Variants in PTCHD4 observed in about 807,000 individuals in gnomAD.
The protein encoded by PTCHD4 is patched domain-containing protein 4.
A neutral mutation model predicts 58.1 loss-of-function variants in PTCHD4; 33 were observed. That is an observed-to-expected ratio of 0.57 (90% CI 0.43 to 0.76). The LOEUF is 0.76. Among genes scored for constraint, PTCHD4 ranks in the 30% least tolerant of loss-of-function variants. The probability of loss-of-function intolerance (pLI) is 0.00; values close to 1 mark genes in which losing one functional copy is unlikely to be tolerated. For synonymous variants in PTCHD4, 478 were observed against 409.6 expected (o/e 1.17, Z -2.02); for missense variants, 1,058 against 1,027.1 (o/e 1.03, Z -0.41).
At chr6:47,980,101 A>G (rs996131578) in intron 4 of PTCHD4, among the ~76,000 whole-genome samples, 1 of 152,124 alleles carries the variant, frequency 6.6e-6, no homozygotes, top group East Asian at 1.9e-4. Context: ...TATTTCATGC[A>G]TAGAGTAAAA....
chr6:47,894,889 T>A (rs373417721), intron 4 of PTCHD4, among the ~76,000 whole-genome samples: 1 of 152,178 alleles, frequency 6.6e-6, no homozygotes, highest in South Asian at 2.1e-4. Flanking sequence ...CCCAGCACTT[T>A]GGGAGGCTGA....
chr6:48,022,648 T>C (rs1463850607), intron 3 of PTCHD4, among the ~76,000 whole-genome samples: 1 of 152,126 alleles, frequency 6.6e-6, no homozygotes, highest in Non-Finnish European at 1.5e-5. Context: ...GTGTTAACAT[T>C]TTCTGGGCTG....
At chr6:47,917,927 A>G (rs952992961) in intron 4 of PTCHD4, among the ~76,000 whole-genome samples, 4 of 152,310 alleles carry the variant, frequency 2.6e-5, no homozygotes, top group African/African-American at 9.6e-5. Flanking sequence ...ATCTCCAGGC[A>G]TAACGTCAAA....
chr6:48,096,350 A>G (rs908121001), intron 1 of PTCHD4, among the ~76,000 whole-genome samples: 1 of 152,088 alleles, frequency 6.6e-6, no homozygotes, highest in Non-Finnish European at 1.5e-5. Context: ...GGTGGCTCAC[A>G]ACTGTAATCC....
rs1765423635 is a variant in PTCHD4, at chr6:47,921,276, GC to G, written c.899-41341del. ...GTGCCATTTCTCTGCTTTGTTTTACGCTTTTGGTTAATAGTACATTACACAT... is the reference window on the plus strand; with the variant it reads ...GTGCCATTTCTCTGCTTTGTTTTACGTTTTGGTTAATAGTACATTACACAT... On this transcript the variant is annotated intron_variant, in intron 4 of 4. Transcript: ENST00000339488. 2.0e-5 allele frequency among the ~76,000 whole-genome samples: 3 copies of G among 151,916 alleles called. No individual in the cohort carries two copies. In the South Asian group the frequency reaches 6.3e-4, roughly 32 times the overall value.
chr6:47,982,102 T>G (rs1767901690), intron 4 of PTCHD4, among the ~76,000 whole-genome samples: 1 of 152,206 alleles, frequency 6.6e-6, no homozygotes, highest in Non-Finnish European at 1.5e-5. Context: ...TCTAAGGAGA[T>G]GGATATATGT....
intron 3 of PTCHD4, among the ~76,000 whole-genome samples, chr6:48,015,895 A>AGGT (rs1353535772): frequency 7.2e-5 from 11 of 151,948 alleles, no homozygotes; most frequent in African/African-American, 2.7e-4. Context: ...TAAGATATAT[A>AGGT]TAACTAATTA....
chr6:47,976,491 T>A (rs1190447300), intron 4 of PTCHD4, among the ~76,000 whole-genome samples: 2 of 151,892 alleles, frequency 1.3e-5, no homozygotes, highest in Admixed American at 6.6e-5. Flanking sequence ...CCATCTCTAC[T>A]AAAAATACAA....
intron 4 of PTCHD4, among the ~76,000 whole-genome samples, chr6:47,955,632 A>AT (rs1473029671): frequency 1.3e-5 from 2 of 152,174 alleles, no homozygotes; most frequent in African/African-American, 4.8e-5. Flanking sequence ...AAAATCAGAC[A>AT]TTTTTTTAAT....
At chr6:47,953,355 T>C (rs756648138) in intron 4 of PTCHD4, among the ~76,000 whole-genome samples, 24 of 152,156 alleles carry the variant, frequency 1.6e-4, no homozygotes, top group Non-Finnish European at 3.1e-4. Flanking sequence ...TCTACCTACA[T>C]GAAAGTGCTA....
chr6:47,902,739 T>C (rs1764752260), intron 4 of PTCHD4, among the ~76,000 whole-genome samples: 1 of 152,226 alleles, frequency 6.6e-6, no homozygotes, highest in Admixed American at 6.5e-5. Flanking sequence ...GGGGTCATTG[T>C]AAAATACATC....
At chr6:48,061,164 C>T (rs995292344) in intron 3 of PTCHD4, among the ~76,000 whole-genome samples, 3 of 152,184 alleles carry the variant, frequency 2.0e-5, no homozygotes, top group African/African-American at 7.2e-5. Flanking sequence ...AATGCTGCCA[C>T]TATTGTGAAA....
intron 4 of PTCHD4, among the ~76,000 whole-genome samples, chr6:47,894,604 A>G (rs1764477328): frequency 6.6e-6 from 1 of 152,258 alleles, no homozygotes; most frequent in Non-Finnish European, 1.5e-5. Flanking sequence ...AATGTTAGCC[A>G]TCATTTTTAT....
chr6:47,982,882 T>C (rs767644829), intron 4 of PTCHD4, among the ~76,000 whole-genome samples: 1 of 152,178 alleles, frequency 6.6e-6, no homozygotes, highest in Non-Finnish European at 1.5e-5. Context: ...AATTAACTTA[T>C]GAATATAGTA....
At chr6:47,969,137 G>T (rs951186750) in intron 4 of PTCHD4, among the ~76,000 whole-genome samples, 5 of 152,106 alleles carry the variant, frequency 3.3e-5, no homozygotes, top group African/African-American at 1.2e-4. Context: ...AACAGAGAAA[G>T]GACTACAACT....
rs575997094 is a variant in PTCHD4 at position 47,945,619 on chromosome 6, A to T, written c.898+63015T>A. On this transcript the variant is annotated intron_variant, in intron 4 of 4. Coordinates refer to ENST00000339488, the MANE Select transcript of PTCHD4 (RefSeq NM_001384253.1). The stretch of plus-strand genomic sequence containing the variant: ...ACTGATTTTCTTTTGTGCAAAAGAT[A>T]TTTTTTTGAGAACAATCAGGTTGAA... Among the ~76,000 whole-genome samples the T allele has an allele frequency of 2.8e-4, 43 of 152,028 alleles. No homozygotes were observed. In the South Asian group the frequency reaches 8.1e-3, roughly 29 times the overall value.
chr6:48,035,463 A>AC (rs1763599389), intron 3 of PTCHD4, among the ~76,000 whole-genome samples: 1 of 152,112 alleles, frequency 6.6e-6, no homozygotes, highest in Non-Finnish European at 1.5e-5. Context: ...ATTATATTAA[A>AC]AAATTATGAA....
At chr6:47,903,909 C>T (rs950421333) in intron 4 of PTCHD4, among the ~76,000 whole-genome samples, 1 of 152,170 alleles carries the variant, frequency 6.6e-6, no homozygotes, top group African/African-American at 2.4e-5. Context: ...ATGAAGATCA[C>T]TTTTAGAAGA....
intron 4 of PTCHD4, among the ~76,000 whole-genome samples, chr6:47,983,115 G>T (rs542154012): frequency 1.3e-5 from 2 of 151,900 alleles, no homozygotes; most frequent in Non-Finnish European, 2.9e-5. Flanking sequence ...TGCAAGTTAG[G>T]GTAAAATTAA....
Sources: gnomAD v4.1 joint callset for allele counts (sites outside exome capture counted in the v4.1 genomes callset) on GRCh38, gnomAD v4.1.1 for gene constraint, MANE v1.5 for transcripts, NCBI Gene and HGNC (gene_info 2026-07-23, HGNC 2026-07-21) for gene names.